BCKDHB: variants seen among roughly 807,000 people sequenced by gnomAD.
The protein encoded by BCKDHB is branched chain keto acid dehydrogenase E1 subunit beta, also known as 2-oxoisovalerate dehydrogenase subunit beta, mitochondrial.
BCKDHB carries 41 observed loss-of-function variants against 48.5 expected under a neutral mutation model. The observed-to-expected ratio is 0.85, with a 90% confidence interval of 0.66 to 1.10. The LOEUF is 1.10. Ranked by LOEUF, BCKDHB falls within the 50% of genes least tolerant of loss-of-function variation. The probability of loss-of-function intolerance (pLI) is 0.00; values close to 1 mark genes in which losing one functional copy is unlikely to be tolerated. For missense variants in BCKDHB, 496 were observed against 494.2 expected (o/e 1.00, Z -0.03); for synonymous variants, 201 against 174.8 (o/e 1.15, Z -1.18).
chr6:80,405,315 A>T, the BCKDHB span, among the ~76,000 whole-genome samples: 1 of 152,054 alleles, frequency 6.6e-6, no homozygotes, highest in Non-Finnish European at 1.5e-5. Context: ...GACAGTTTTC[A>T]CTTAAAGTCT....
intron 8 of BCKDHB, among the ~76,000 whole-genome samples, chr6:80,269,638 T>G (rs1777653687): frequency 6.6e-6 from 1 of 152,120 alleles, no homozygotes; most frequent in Non-Finnish European, 1.5e-5. Context: ...TACGTGATCT[T>G]TCCTGGCTTT....
intron 9 of BCKDHB, among the ~76,000 whole-genome samples, chr6:80,310,491 C>T (rs1278803709): frequency 6.6e-6 from 1 of 152,166 alleles, no homozygotes; most frequent in Non-Finnish European, 1.5e-5. Flanking sequence ...TTTTATTTGT[C>T]CAGTCTATCA....
At chr6:80,119,135 A>G (rs1769867966) in intron 1 of BCKDHB, among the ~76,000 whole-genome samples, 1 of 152,100 alleles carries the variant, frequency 6.6e-6, no homozygotes, top group Non-Finnish European at 1.5e-5. Context: ...CTAAAAATAC[A>G]AAAAAATTAG....
chr6:80,222,983 T>C (rs574299295), intron 8 of BCKDHB, among the ~76,000 whole-genome samples: 1 of 152,200 alleles, frequency 6.6e-6, no homozygotes, highest in Non-Finnish European at 1.5e-5. Flanking sequence ...GGAAAAGTTA[T>C]GTTGATGAAG....
At chr6:80,291,107 GTCTGGGAATGCAGTCCAGTAGGTC>G (rs1766888706) in intron 9 of BCKDHB, among the ~76,000 whole-genome samples, 1 of 152,124 alleles carries the variant, frequency 6.6e-6, no homozygotes, top group Admixed American at 6.5e-5. Flanking sequence ...ATGCCTAACT[GTCTGGGAATGCAGTCCAGTAGGTC>G]TCAGCCTTAT....
At position 80,171,331 on chromosome 6, in the gene BCKDHB, G is replaced by T; in HGVS notation, c.683G>T (p.Cys228Phe). Residue 228 changes from cysteine to phenylalanine, a missense_variant, in exon 6 of 10, where the codon TGC (cysteine) becomes TTC (phenylalanine). Coordinates refer to ENST00000320393, the MANE Select transcript of BCKDHB (RefSeq NM_183050.4). ...PFQAKGLLLSCIEDKNPCIFF... is the reference protein window; with the variant it reads ...PFQAKGLLLSFIEDKNPCIFF... ...CAGGCCAAAGGACTTCTTTTGTCAT[G>T]CATAGAGGATAAAAATCCTTGTATA... is the stretch of plus-strand genomic sequence containing the variant. 6.2e-7 allele frequency: 1 copy of T among 1,608,888 alleles called. No homozygotes were observed. The highest frequency in any genetic ancestry group is 1.3e-5 in the African/African-American group (1 of 74,890).
At chr6:80,458,415 C>T in the BCKDHB span, among the ~76,000 whole-genome samples, 9 of 152,130 alleles carry the variant, frequency 5.9e-5, no homozygotes, top group Non-Finnish European at 7.4e-5. Context: ...CTTAATTTTT[C>T]CAGTTATTGT....
the BCKDHB span, among the ~76,000 whole-genome samples, chr6:80,423,673 C>G: frequency 3.9e-5 from 6 of 152,182 alleles, no homozygotes; most frequent in Admixed American, 1.3e-4. Context: ...TATCTCTGCT[C>G]TATTCTTGCT....
chr6:80,427,446 A>G, the BCKDHB span, among the ~76,000 whole-genome samples: 1 of 152,128 alleles, frequency 6.6e-6, no homozygotes, highest in Admixed American at 6.6e-5. Context: ...CCCAAGATAC[A>G]TTGCTATTAT....
intron 6 of BCKDHB, among the ~76,000 whole-genome samples, chr6:80,198,520 A>T (rs367952365): frequency 9.2e-5 from 14 of 151,992 alleles, no homozygotes; most frequent in African/African-American, 3.1e-4. Context: ...ATGTCATTGG[A>T]TTGGAAATCT....
chr6:80,146,657 G>A (rs946746181), intron 3 of BCKDHB, among the ~76,000 whole-genome samples: 1 of 152,112 alleles, frequency 6.6e-6, no homozygotes, highest in Admixed American at 6.6e-5. Flanking sequence ...AACCAGCCTG[G>A]TTTACATTAA....
At chr6:80,351,850 T>A in the BCKDHB span, among the ~76,000 whole-genome samples, 1 of 150,048 alleles carries the variant, frequency 6.7e-6, no homozygotes, top group Non-Finnish European at 1.5e-5. Flanking sequence ...AGACGGAGTT[T>A]CGCTCTTGTT....
downstream of BCKDHB, among the ~76,000 whole-genome samples, chr6:80,350,040 C>A (rs892783183): frequency 6.6e-6 from 1 of 151,802 alleles, no homozygotes; most frequent in African/African-American, 2.4e-5. Flanking sequence ...CAGTAAATTT[C>A]CCAAGGAAAA....
At chr6:80,117,567 C>T (rs1054808422) in intron 1 of BCKDHB, among the ~76,000 whole-genome samples, 1 of 152,262 alleles carries the variant, frequency 6.6e-6, no homozygotes, top group South Asian at 2.1e-4. Context: ...ACCATGACAC[C>T]CACGCTGCAA....
In BCKDHB at chr6:80,166,241, C is replaced by T. The variant is rs554423209; in HGVS notation, c.344-1437C>T. On this transcript the variant is annotated intron_variant, in intron 3 of 9. Transcript: ENST00000320393. ...TCTGAAAAACGCAACTCTGACATTA[C>T]GTTCAGAACCTCAATAAGATATTTT... 1.6e-4 allele frequency among the ~76,000 whole-genome samples: 24 copies of T among 152,270 alleles called. No individual in the cohort carries two copies. The East Asian group carries it at 1.7e-3, about 11-fold the overall frequency.
At chr6:80,457,210 C>T in the BCKDHB span, among the ~76,000 whole-genome samples, 1 of 152,196 alleles carries the variant, frequency 6.6e-6, no homozygotes, top group Non-Finnish European at 1.5e-5. Flanking sequence ...AACTACTGAA[C>T]ATGGCATACC....
chr6:80,186,648 T>TATG (rs1405182197), intron 6 of BCKDHB, among the ~76,000 whole-genome samples: 14 of 152,204 alleles, frequency 9.2e-5, no homozygotes, highest in African/African-American at 3.1e-4. Context: ...TTGAACGTAT[T>TATG]ATGAAGTTCA....
chr6:80,408,856 T>C, the BCKDHB span, among the ~76,000 whole-genome samples: 1 of 152,084 alleles, frequency 6.6e-6, no homozygotes, highest in African/African-American at 2.4e-5. Context: ...GAAGGGTTTT[T>C]TGTGTCTCTA....
At chr6:80,304,169 C>A (rs1767733841) in intron 9 of BCKDHB, among the ~76,000 whole-genome samples, 1 of 152,072 alleles carries the variant, frequency 6.6e-6, no homozygotes, top group South Asian at 2.1e-4. Context: ...GACATGTGAG[C>A]AATACTGTGG....
Sources: allele counts gnomAD v4.1 joint callset (sites outside exome capture counted in the v4.1 genomes callset), GRCh38; gene constraint gnomAD v4.1.1; transcripts MANE v1.5; gene names NCBI Gene and HGNC (gene_info 2026-07-23, HGNC 2026-07-21).